The following ITPR2 variants were observed in gnomAD, a reference collection of about 807,000 sequenced individuals.
ITPR2 encodes the protein inositol 1,4,5-trisphosphate receptor type 2, also known as inositol 1,4,5-trisphosphate-gated calcium channel ITPR2.
Under a neutral mutation model 317.1 loss-of-function variants are expected in ITPR2, and 207 were observed. That is an observed-to-expected ratio of 0.65 (90% CI 0.58 to 0.73). The LOEUF is 0.73. Ranked by LOEUF, ITPR2 falls within the 30% of genes least tolerant of loss-of-function variation. The pLI is 0.00. For missense variants in ITPR2, 2,613 were observed against 3,284.0 expected (o/e 0.80, Z 4.99); for synonymous variants, 1,156 against 1,149.1 (o/e 1.01, Z -0.12).
chr12:26,380,943 C>CT lies in ITPR2; in HGVS notation c.7857+6490_7857+6491insA, dbSNP rs546293930. Among the ~76,000 whole-genome samples the CT allele has an allele frequency of 3.0e-4, 45 of 152,320 alleles. No individual in the cohort carries two copies. The South Asian group carries it at 8.9e-3, about 30-fold the overall frequency. ...AGATGGGTAGATTTATTTCCTATCT[C>CT]ATTAAAGTATGACCTTTCTTTTTAA... On this transcript the variant is annotated intron_variant, in intron 55 of 56. Coordinates refer to ENST00000381340, the MANE Select transcript of ITPR2 (RefSeq NM_002223.4).
At chr12:26,618,578 A>G (rs1485903965) in intron 26 of ITPR2, among the ~76,000 whole-genome samples, 5 of 152,234 alleles carry the variant, frequency 3.3e-5, no homozygotes, top group Non-Finnish European at 5.9e-5. Flanking sequence ...ACACTCATAC[A>G]CTAGTGGAGG....
chr12:26,502,383 T>C (rs1005105842), intron 37 of ITPR2, among the ~76,000 whole-genome samples: 2 of 152,196 alleles, frequency 1.3e-5, no homozygotes, highest in Non-Finnish European at 2.9e-5. Flanking sequence ...GCAGACAAGC[T>C]TTAGATACCA....
chr12:26,417,344 C>T (rs374349792), intron 50 of ITPR2, among the ~76,000 whole-genome samples: 2 of 152,094 alleles, frequency 1.3e-5, no homozygotes, highest in African/African-American at 4.8e-5. Context: ...AACATGTGTA[C>T]ATCATTTCAC....
chr12:26,599,797 G>A (rs935164540), intron 29 of ITPR2, among the ~76,000 whole-genome samples, 190 bp downstream of exon 29: 10 of 151,094 alleles, frequency 6.6e-5, no homozygotes, highest in Middle Eastern at 3.2e-3. Flanking sequence ...TGTAAAACTT[G>A]TGCAATTTTT....
chr12:26,454,445 A>G (rs1354085214), intron 45 of ITPR2, among the ~76,000 whole-genome samples: 1 of 152,170 alleles, frequency 6.6e-6, no homozygotes, highest in African/African-American at 2.4e-5. Context: ...TGACCTTGTG[A>G]TCTGCCCACC....
intron 37 of ITPR2, among the ~76,000 whole-genome samples, chr12:26,496,943 CAA>C (rs572517736): frequency 1.1e-4 from 12 of 106,800 alleles, no homozygotes; most frequent in Admixed American, 2.1e-4. Context: ...GACTCCATCT[CAA>C]AAAAAAAAAA....
intron 2 of ITPR2, among the ~76,000 whole-genome samples, chr12:26,788,730 C>T (rs1400458420): frequency 6.6e-6 from 1 of 152,162 alleles, no homozygotes; most frequent in Non-Finnish European, 1.5e-5. Context: ...CCAAGCTTTT[C>T]ATGACTCATC....
intron 34 of ITPR2, among the ~76,000 whole-genome samples, chr12:26,564,989 A>G (rs1157625626): frequency 6.6e-6 from 1 of 152,256 alleles, no homozygotes; most frequent in Non-Finnish European, 1.5e-5. Context: ...GACTAGCATC[A>G]GACTTATCAT....
chr12:26,524,955 C>T (rs1943772113), intron 37 of ITPR2, among the ~76,000 whole-genome samples: 1 of 152,032 alleles, frequency 6.6e-6, no homozygotes, highest in African/African-American at 2.4e-5. Context: ...GGAGTGAGAA[C>T]TCAAAATATA....
intron 13 of ITPR2, among the ~76,000 whole-genome samples, chr12:26,680,137 T>G (rs977893630): frequency 1.3e-5 from 2 of 152,028 alleles, no homozygotes; most frequent in Non-Finnish European, 2.9e-5. Flanking sequence ...CTATTGACAA[T>G]CTGGGAATTT....
rs895527390 is a variant in ITPR2, at chr12:26,655,995, G to A, written c.2445-143C>T. The A allele has an allele frequency of 2.8e-5, 23 of 818,424 alleles. No homozygotes were observed. In the South Asian group the frequency reaches 3.9e-4, roughly 14 times the overall value. The allele number at this position is 818,424 out of a possible 1,614,324, so 50.7% of individuals were successfully genotyped here. A position where few individuals can be genotyped will look rare whatever the true frequency, so the allele number is the denominator to read the frequency against. On this transcript the variant is annotated intron_variant, in intron 19 of 56. Transcript: ENST00000381340. ...GGCTGGGTCCTCATCTGTAAAATGG[G>A]GCTATTGTGAAATGAGTTAGCACGT...
intron 2 of ITPR2, among the ~76,000 whole-genome samples, chr12:26,753,052 A>G (rs2137108768): frequency 6.6e-6 from 1 of 152,256 alleles, no homozygotes; most frequent in South Asian, 2.1e-4. Context: ...ACTCTGGGTA[A>G]GTGGTGGTGG....
At chr12:26,438,432 A>G (rs1941410833) in intron 47 of ITPR2, among the ~76,000 whole-genome samples, 1 of 152,132 alleles carries the variant, frequency 6.6e-6, no homozygotes, top group African/African-American at 2.4e-5. Flanking sequence ...AAAAAGACCT[A>G]CTCAAGAGTT....
chr12:26,708,710 C>T (rs1948598296), intron 9 of ITPR2, among the ~76,000 whole-genome samples: 1 of 152,064 alleles, frequency 6.6e-6, no homozygotes, highest in Non-Finnish European at 1.5e-5. Flanking sequence ...GGGTAATACA[C>T]AGTTAACAAC....
chr12:26,681,836 C>G, intron 13 of ITPR2, 38 bp downstream of exon 13: 1 of 1,461,948 alleles, frequency 6.8e-7, no homozygotes, highest in Non-Finnish European at 9.5e-7. Flanking sequence ...CAATTGACAA[C>G]TGACTCGTGA....
chr12:26,778,548 C>T (rs1365508062), intron 2 of ITPR2, among the ~76,000 whole-genome samples: 3 of 152,204 alleles, frequency 2.0e-5, no homozygotes, highest in Non-Finnish European at 2.9e-5. Flanking sequence ...CCATAAGGCC[C>T]ACCAGAAGCA....
intron 54 of ITPR2, among the ~76,000 whole-genome samples, chr12:26,389,626 A>G (rs1376549789): frequency 6.6e-6 from 1 of 152,042 alleles, no homozygotes; most frequent in African/African-American, 2.4e-5. Context: ...AAATCTCACC[A>G]TCTCAATGTG....
At chr12:26,647,901 C>T (rs954750269) in intron 21 of ITPR2, among the ~76,000 whole-genome samples, 5 of 152,162 alleles carry the variant, frequency 3.3e-5, no homozygotes, top group Admixed American at 6.5e-5. Context: ...TCTGAACGGA[C>T]CACCTTTAGG....
intron 37 of ITPR2, among the ~76,000 whole-genome samples, chr12:26,509,961 T>C (rs541082753): frequency 5.1e-5 from 2 of 39,470 alleles, no homozygotes; most frequent in East Asian, 3.5e-3. Context: ...AAGGGTTTTG[T>C]GTGTGTGTGT....
Sources: allele counts gnomAD v4.1 joint callset (sites outside exome capture counted in the v4.1 genomes callset), GRCh38; gene constraint gnomAD v4.1.1; transcripts MANE v1.5; gene names NCBI Gene and HGNC (gene_info 2026-07-23, HGNC 2026-07-21).